BBS9: variants seen among roughly 807,000 people sequenced by gnomAD.
BBS9 encodes Bardet-Biedl syndrome 9, also known as protein PTHB1.
BBS9 carries 89 observed loss-of-function variants against 117.7 expected under a neutral mutation model. The ratio of observed to expected loss-of-function variants is 0.76; its 90% CI spans 0.64 to 0.90. BBS9 has a LOEUF of 0.90. BBS9 is among the 40% of genes least tolerant of loss of function. The pLI, the probability that BBS9 is intolerant of heterozygous loss-of-function variation, is 0.00. For missense variants in BBS9, 982 were observed against 1,042.2 expected (o/e 0.94, Z 0.80); for synonymous variants, 379 against 370.9 (o/e 1.02, Z -0.25).
chr7:33,234,292 C>G (rs764782358), intron 5 of BBS9, among the ~76,000 whole-genome samples: 3 of 151,974 alleles, frequency 2.0e-5, no homozygotes, highest in Admixed American at 2.0e-4. Flanking sequence ...GGAATGTATT[C>G]TCTGTGGATA....
chr7:33,533,844 C>T, intron 20 of BBS9, 110 bp from the exon 21 acceptor site: 1 of 1,275,078 alleles, frequency 7.8e-7, no homozygotes. Context: ...ACACTCTTCA[C>T]AGGTTCCCAA....
intron 21 of BBS9, among the ~76,000 whole-genome samples, chr7:33,557,498 A>C (rs1311695429): frequency 6.6e-6 from 1 of 151,762 alleles, no homozygotes; most frequent in Non-Finnish European, 1.5e-5. Context: ...ATATTTCAAT[A>C]ACTGACAGAC....
At chr7:33,142,717 A>C (rs1200327398) in intron 1 of BBS9, among the ~76,000 whole-genome samples, 1 of 151,942 alleles carries the variant, frequency 6.6e-6, no homozygotes, top group Non-Finnish European at 1.5e-5. Context: ...ACTTAACATG[A>C]TGTCCTCAAG....
intron 20 of BBS9, among the ~76,000 whole-genome samples, chr7:33,519,445 T>C (rs1323069809): frequency 2.6e-5 from 4 of 152,216 alleles, no homozygotes; most frequent in Admixed American, 6.5e-5. Context: ...TGTCTGACCA[T>C]TGTTATGTTT....
At chr7:33,148,490 G>A (rs1355820325) in intron 2 of BBS9, among the ~76,000 whole-genome samples, 1 of 152,168 alleles carries the variant, frequency 6.6e-6, no homozygotes, top group Non-Finnish European at 1.5e-5. Flanking sequence ...AGCCTCCCAA[G>A]TAGCTGGGAT....
chr7:33,472,998 A>T (rs1445610715), intron 19 of BBS9, among the ~76,000 whole-genome samples: 1 of 152,060 alleles, frequency 6.6e-6, no homozygotes, highest in African/African-American at 2.4e-5. Context: ...CCTCTACCTT[A>T]CCTCAGGCCC....
At chr7:33,620,877 C>T (rs1382375380) in intron 21 of BBS9, among the ~76,000 whole-genome samples, 1 of 152,054 alleles carries the variant, frequency 6.6e-6, no homozygotes, top group African/African-American at 2.4e-5. Context: ...CATTGTACTG[C>T]AATAAATACA....
At position 33,239,026 on chromosome 7, in the gene BBS9, A is replaced by G. The variant is rs114944681; in HGVS notation, c.443-18210A>G. ...ATCCCAGGACTGGATAATTGGGACA[A>G]AAAGCTTTTGACGCATACTTTAAAT... On this transcript the variant is annotated intron_variant, in intron 5 of 22. Transcript: ENST00000242067. 8.6e-3 allele frequency among the ~76,000 whole-genome samples: 1,304 copies of G among 152,282 alleles called. 18 individuals are homozygous for G. The highest frequency in any genetic ancestry group is 0.04 in the South Asian group (195 of 4,828).
chr7:33,444,215 C>A (rs1173562337), intron 19 of BBS9, among the ~76,000 whole-genome samples: 1 of 152,158 alleles, frequency 6.6e-6, no homozygotes, highest in Non-Finnish European at 1.5e-5. Flanking sequence ...AGTGCTTCCC[C>A]AAATCCAAAT....
At chr7:33,358,374 T>C (rs531739152) in intron 16 of BBS9, among the ~76,000 whole-genome samples, 2 of 151,978 alleles carry the variant, frequency 1.3e-5, no homozygotes, top group East Asian at 3.9e-4. Flanking sequence ...ATTTTCATTG[T>C]AGGCTTTTGT....
At chr7:33,340,224 A>C (rs1294084308) in intron 10 of BBS9, among the ~76,000 whole-genome samples, 1 of 152,054 alleles carries the variant, frequency 6.6e-6, no homozygotes, top group Non-Finnish European at 1.5e-5. Context: ...TTGTCTAGAA[A>C]ATATTCATGT....
intron 19 of BBS9, among the ~76,000 whole-genome samples, chr7:33,501,874 G>A (rs740888): frequency 0.16 from 24,825 of 151,816 alleles, 2,766 homozygotes; most frequent in East Asian, 0.47. Flanking sequence ...CCTTTTTAAT[G>A]TCATCAAACA....
chr7:33,402,494 C>A (rs1307647726), intron 19 of BBS9, among the ~76,000 whole-genome samples: 2 of 152,148 alleles, frequency 1.3e-5, no homozygotes, highest in Non-Finnish European at 2.9e-5. Flanking sequence ...CCCCTTGTGT[C>A]CAGTTACACC....
At position 33,291,280 on chromosome 7, in the gene BBS9, T is replaced by C. The variant is rs566735427; in HGVS notation, c.1016+17324T>C. 3.9e-5 allele frequency among the ~76,000 whole-genome samples: 6 copies of C among 152,256 alleles called. No homozygotes were observed. In the South Asian group the frequency reaches 1.2e-3, roughly 32 times the overall value. On this transcript the variant is annotated intron_variant, in intron 9 of 22. Transcript: ENST00000242067. ...TCTTTTTTATTTCTTTATTCCTTAGTTAGTGTCTAAAATCTGTTCTCTTAA... is the reference window on the plus strand; with the variant it reads ...TCTTTTTTATTTCTTTATTCCTTAGCTAGTGTCTAAAATCTGTTCTCTTAA...
At chr7:33,266,211 G>C (rs915897114) in intron 7 of BBS9, among the ~76,000 whole-genome samples, 3 of 152,182 alleles carry the variant, frequency 2.0e-5, no homozygotes, top group African/African-American at 7.2e-5. Flanking sequence ...CATTCGATTA[G>C]TGAATAGAGT....
chr7:33,451,045 T>C (rs1228584737), intron 19 of BBS9, among the ~76,000 whole-genome samples: 1 of 151,788 alleles, frequency 6.6e-6, no homozygotes, highest in Non-Finnish European at 1.5e-5. Context: ...CCCGCCACCA[T>C]GCCCGGCTAA....
rs1054249164 is a variant in BBS9 at position 33,588,802 on chromosome 7, G to A, written c.2522-16063G>A. ...TCATGCAGAAATCAGAGGGACAAGTGTTTCAGGTAAAGGGAATGGTCAGCA... is the reference window on the plus strand; with the variant it reads ...TCATGCAGAAATCAGAGGGACAAGTATTTCAGGTAAAGGGAATGGTCAGCA... On this transcript the variant is annotated intron_variant, in intron 21 of 22. Coordinates refer to ENST00000242067, the MANE Select transcript of BBS9 (RefSeq NM_198428.3). 3.3e-5 allele frequency among the ~76,000 whole-genome samples: 5 copies of A among 152,188 alleles called. No homozygotes were observed. In the East Asian group the frequency reaches 7.7e-4, roughly 24 times the overall value.
intron 5 of BBS9, among the ~76,000 whole-genome samples, chr7:33,203,590 A>T (rs1028514585): frequency 1.3e-5 from 2 of 152,168 alleles, no homozygotes; most frequent in Non-Finnish European, 1.5e-5. Context: ...ACCCTAGATA[A>T]TTCTCATATA....
chr7:33,591,086 A>C (rs912925238), intron 21 of BBS9, among the ~76,000 whole-genome samples: 2 of 152,078 alleles, frequency 1.3e-5, no homozygotes, highest in African/African-American at 4.8e-5. Context: ...ACTAGCCTAT[A>C]CATTAGTGGG....
Sources: allele counts gnomAD v4.1 joint callset (sites outside exome capture counted in the v4.1 genomes callset), GRCh38; gene constraint gnomAD v4.1.1; transcripts MANE v1.5; gene names NCBI Gene and HGNC (gene_info 2026-07-23, HGNC 2026-07-21).